Variants in INTS1 observed in about 807,000 individuals in gnomAD.
INTS1 encodes the protein integrator complex subunit 1.
A neutral mutation model predicts 241.6 loss-of-function variants in INTS1; 137 were observed. The observed-to-expected ratio is 0.57, with a 90% CI of 0.49 to 0.65. The LOEUF is 0.65. Among genes scored for constraint, INTS1 ranks in the 30% least tolerant of loss-of-function variants. The probability of loss-of-function intolerance (pLI) is 0.00; values close to 1 mark genes in which losing one functional copy is unlikely to be tolerated. For synonymous variants in INTS1, 1,692 were observed against 1,337.8 expected (o/e 1.26, Z -5.78); for missense variants, 3,073 against 3,032.2 (o/e 1.01, Z -0.32).
Position 1,498,802 on chromosome 7 carries a change from G to A in INTS1, c.1188C>T (p.Asn396=), listed in dbSNP as rs1468728535. 1 of 1,604,318 alleles carries A rather than the reference G, an allele frequency of 6.2e-7. No individual in the cohort carries two copies. Among genetic ancestry groups the A allele is most frequent in the Admixed American group, 1.7e-5 (1 of 58,998 alleles). The change falls in exon 9 of 48, where the codon AAC becomes AAT. Residue 396 remains asparagine (N), a synonymous_variant. Coordinates refer to ENST00000404767, the MANE Select transcript of INTS1 (RefSeq NM_001080453.3). The part of the protein sequence containing the change: ...DLLMSVCMNC[N]THGSEDMDVI... Reference sequence around the variant, plus strand: ...CGTCCATGTCTTCGGAACCGTGCGTGTTGCAGTTCATGCAGACGGACATCA... The same window carrying A: ...CGTCCATGTCTTCGGAACCGTGCGTATTGCAGTTCATGCAGACGGACATCA...
At chr7:1,480,733 G>T in intron 29 of INTS1, 102 bp downstream of exon 29, 1 of 942,004 alleles carries the variant, frequency 1.1e-6, no homozygotes, top group Non-Finnish European at 1.6e-6. Flanking sequence ...ACTGCCCTGT[G>T]TGGCTGTGCA....
chr7:1,471,207 C>T lies in INTS1; in HGVS notation c.6273G>A (p.Leu2091=), dbSNP rs1469123510. ...GGCAACACTCCTCGGCCGAGCTCAT[C>T]AGCCGCTGCAGGTTGGTCTGACCGG... ...LSFFSTNLQR[L]MSSAEECCRN... The change falls in exon 46 of 48, where the codon CTG becomes CTA. Residue 2091 remains leucine (L), a synonymous_variant. Coordinates refer to ENST00000404767, the MANE Select transcript of INTS1 (RefSeq NM_001080453.3). 1 of 1,579,282 alleles carries T rather than the reference C, an allele frequency of 6.3e-7. No homozygotes were observed. The highest frequency in any genetic ancestry group is 8.6e-7 in the Non-Finnish European group (1 of 1,164,042).
Position 1,481,346 on chromosome 7 carries a change from G to A in INTS1, c.3846C>T (p.Asp1282=), listed in dbSNP as rs1781985460. 1 of 1,612,926 alleles carries A rather than the reference G, an allele frequency of 6.2e-7. No individual in the cohort carries two copies. The highest frequency in any genetic ancestry group is 8.5e-7 in the Non-Finnish European group (1 of 1,179,756). Residue 1282 remains aspartate (D), a synonymous_variant, in exon 28 of 48, where the codon GAC becomes GAT. Transcript: ENST00000404767. This position sits in a 1 kb window ranked among gnomAD's most constrained non-coding sequence, Gnocchi z 6.8. The stretch of plus-strand genomic sequence containing the variant: ...CGCAGGTCCCTGGCATCTTACTCTT[G>A]TCCATGATGTTCTGCTCCAGAGTCT... ...DPQTLEQNIM[D]KNYMAHLVEV... is the part of the protein sequence containing the mutation.
intron 26 of INTS1, 143 bp downstream of exon 26, chr7:1,483,599 G>C: frequency 1.4e-6 from 1 of 710,082 alleles, no homozygotes; most frequent in Non-Finnish European, 2.5e-6. Context: ...CTCCTCTTTA[G>C]GAGAGAAGCC....
chr7:1,503,049 A>G lies in INTS1; in HGVS notation c.201T>C (p.Ser67=), dbSNP rs764231096. The G allele has an allele frequency of 1.2e-6, 2 of 1,613,582 alleles. No homozygotes were observed. Among genetic ancestry groups the G allele is most frequent in the East Asian group, 2.2e-5 (1 of 44,882 alleles). ...TGGTGAGACCGGTGAGGGCCGAGGCACTGGACAACGCGGCCGCCGCATCCC... is the reference window on the plus strand; with the variant it reads ...TGGTGAGACCGGTGAGGGCCGAGGCGCTGGACAACGCGGCCGCCGCATCCC... ...RKRDAAAALS[S]ASALTGLTKR... is the part of the protein sequence containing the mutation. The change falls in exon 3 of 48, where the codon AGT becomes AGC. Residue 67 remains serine, a synonymous_variant. Transcript: ENST00000404767.
chr7:1,479,735 A>G, intron 30 of INTS1, 51 bp from the exon 31 acceptor site: 2 of 1,433,406 alleles, frequency 1.4e-6, no homozygotes, highest in African/African-American at 1.4e-5. Flanking sequence ...AAGGAGGAGG[A>G]GCGCAGCGGA....
At chr7:1,479,301 C>T in intron 31 of INTS1, 129 bp downstream of exon 31, 4 of 1,137,076 alleles carry the variant, frequency 3.5e-6, no homozygotes, top group South Asian at 3.2e-5. Flanking sequence ...CCCTGGGGCA[C>T]TGTCCTTTCT....
chr7:1,484,617 C>A (rs1782158731), intron 24 of INTS1, among the ~76,000 whole-genome samples: 1 of 152,210 alleles, frequency 6.6e-6, no homozygotes, highest in African/African-American at 2.4e-5. Context: ...ATGCTGAGGA[C>A]AGCGGGCAGG....
rs1431675050 is a variant in INTS1, at chr7:1,481,989, G to A, written c.3704-501C>T. On this transcript the variant is annotated intron_variant, in intron 27 of 47. Transcript: ENST00000404767. This position sits in a 1 kb window ranked among gnomAD's most constrained non-coding sequence, Gnocchi z 6.8. ...TGACTATCTTCTCTCAGTGCTCAGGGCGCTCTTGCCCCGAAGCCATCGGTG... is the reference window on the plus strand; with the variant it reads ...TGACTATCTTCTCTCAGTGCTCAGGACGCTCTTGCCCCGAAGCCATCGGTG... Among the ~76,000 whole-genome samples the A allele has an allele frequency of 1.3e-5, 2 of 152,112 alleles. No individual in the cohort carries two copies. The highest frequency in any genetic ancestry group is 6.5e-5 in the Admixed American group (1 of 15,280).
chr7:1,492,600 C>A (rs1782613160), intron 16 of INTS1, among the ~76,000 whole-genome samples: 1 of 147,398 alleles, frequency 6.8e-6, no homozygotes, highest in Non-Finnish European at 1.5e-5. Flanking sequence ...CTCGATAAAG[C>A]CGTGAATATA....
chr7:1,487,659 T>C (rs1253269729), intron 19 of INTS1, 101 bp downstream of exon 19: 15 of 1,445,270 alleles, frequency 1.0e-5, no homozygotes, highest in Non-Finnish European at 1.4e-5. Flanking sequence ...TCTGCCGCAG[T>C]GCGGTCGGCT....
intron 2 of INTS1, 92 bp downstream of exon 2, chr7:1,503,811 G>A: frequency 1.1e-6 from 1 of 933,838 alleles, no homozygotes; most frequent in Non-Finnish European, 1.6e-6. Context: ...GAACAACCAA[G>A]CCCAACGCAG....
intron 16 of INTS1, among the ~76,000 whole-genome samples, chr7:1,490,506 C>T (rs1001828637): frequency 5.9e-5 from 9 of 152,148 alleles, no homozygotes; most frequent in Admixed American, 3.9e-4. Context: ...GAAAGGGTGT[C>T]GCCTCTGGAT....
Position 1,478,490 on chromosome 7 carries a change from C to T in INTS1, c.4506G>A (p.Leu1502=), listed in dbSNP as rs987671753. 2.0e-5 allele frequency: 32 copies of T among 1,611,296 alleles called. No individual in the cohort carries two copies. The highest frequency in any genetic ancestry group is 2.7e-5 in the Non-Finnish European group (32 of 1,179,596). ...RRLSDVRGGL[L]RLAEALAFRQ... ...GGAAGGCCAGGGCCTCGGCCAGGCG[C>T]AGGAGCCCCCCTCGCACTGTGGGAG... Residue 1502 remains leucine, a synonymous_variant, in exon 33 of 48, where the codon CTG becomes CTA. Coordinates refer to ENST00000404767, the MANE Select transcript of INTS1 (RefSeq NM_001080453.3).
rs758233361 is a variant in INTS1, at chr7:1,474,214, T to C, written c.5783A>G (p.Gln1928Arg). ...CAGAAGGCAGTCCCACAGCGCCCCC[T>C]GGTGCTCGCTGCGGAACACGTGCGG... ...LQPHVFRSEH[Q>R]GALWDCLLSF... The change falls in exon 41 of 48, where the codon CAG becomes CGG. Residue 1928 changes from glutamine (Q) to arginine (R), a missense_variant. Transcript: ENST00000404767. The C allele has an allele frequency of 2.5e-6, 4 of 1,594,758 alleles. No individual in the cohort carries two copies. Among genetic ancestry groups the C allele is most frequent in the Non-Finnish European group, 3.4e-6 (4 of 1,172,096 alleles).
At position 1,495,493 on chromosome 7, in the gene INTS1, C is replaced by T; in HGVS notation, c.1772G>A (p.Trp591Ter). Residue 591 changes from tryptophan to a stop codon, truncating the protein, a stop_gained, in exon 13 of 48, where the codon TGG becomes TAG. Transcript: ENST00000404767. LOFTEE classifies it high-confidence loss of function. ...QIAAIQRDAV[W>*]WLHTVVPSIS... Reference sequence around the variant, plus strand: ...GGAGGGGACCACAGTGTGGAGCCACCAGACGGCATCCCGCTGGATGGCGGC... The same window carrying T: ...GGAGGGGACCACAGTGTGGAGCCACTAGACGGCATCCCGCTGGATGGCGGC... 1 of 1,612,686 alleles carries T rather than the reference C, an allele frequency of 6.2e-7. No homozygotes were observed. Among genetic ancestry groups the T allele is most frequent in the Non-Finnish European group, 8.5e-7 (1 of 1,179,702 alleles).
Position 1,479,659 on chromosome 7 carries a change from C to G in INTS1, c.4100G>C (p.Arg1367Pro). ...GGGGCGGGGACTGGAGCTCTGCCAC[C>G]GAGGGTCCGGGCTGAGCGGGAAAAT... ...LQIFPLSPDP[R>P]WQSSSPRPVA... is the part of the protein sequence containing the mutation. The change falls in exon 31 of 48, where the codon CGG becomes CCG. Residue 1367 changes from arginine (R) to proline (P), a missense_variant. Arg to Pro is a moderately radical substitution (Grantham distance 103). Transcript: ENST00000404767. 1 of 1,490,392 alleles carries G rather than the reference C, an allele frequency of 6.7e-7. No homozygotes were observed. The highest frequency in any genetic ancestry group is 9.0e-7 in the Non-Finnish European group (1 of 1,117,228). 92.3% of individuals were successfully genotyped at this position (1,490,392 alleles called of 1,614,324 possible).
chr7:1,473,986 A>C (rs1370814926), intron 41 of INTS1, among the ~76,000 whole-genome samples, 182 bp downstream of exon 41: 1 of 152,198 alleles, frequency 6.6e-6, no homozygotes, highest in Non-Finnish European at 1.5e-5. Context: ...TGGGCCCCCC[A>C]GGCACGTGAG....
chr7:1,504,003 T>C lies in INTS1; in HGVS notation c.-41-2A>G, dbSNP rs1471435261. 17 of 1,452,182 alleles carry C rather than the reference T, an allele frequency of 1.2e-5. No homozygotes were observed. Among genetic ancestry groups the C allele is most frequent in the Admixed American group, 2.1e-5 (1 of 46,712 alleles). 90.0% of individuals were successfully genotyped at this position (1,452,182 alleles called of 1,614,324 possible). On this transcript the variant is annotated splice_acceptor_variant, in intron 1 of 47. Transcript: ENST00000404767. LOFTEE classifies it low-confidence loss of function (5UTR_SPLICE). ...GGCTCCCGGCGGCTGCGGCGTCACCTGCGGAGGAGCCAGCGTGCGGTCATT... is the reference window on the plus strand; with the variant it reads ...GGCTCCCGGCGGCTGCGGCGTCACCCGCGGAGGAGCCAGCGTGCGGTCATT...
Sources: allele counts gnomAD v4.1 joint callset (sites outside exome capture counted in the v4.1 genomes callset), GRCh38; gene constraint gnomAD v4.1.1; non-coding constraint Gnocchi (gnomAD v3.1); transcripts MANE v1.5; gene names NCBI Gene and HGNC (gene_info 2026-07-23, HGNC 2026-07-21).